RERG: variants seen among roughly 807,000 people sequenced by gnomAD.
RERG encodes the protein ras-related and estrogen-regulated growth inhibitor.
Under a neutral mutation model 23.2 loss-of-function variants are expected in RERG, and 25 were observed. The observed-to-expected ratio is 1.08, with a 90% CI of 0.79 to 1.50. The LOEUF is 1.50. RERG is among the 40% of genes most tolerant of loss of function. The pLI is 0.00. For synonymous variants in RERG, 81 were observed against 89.1 expected (o/e 0.91, Z 0.51); for missense variants, 253 against 250.1 (o/e 1.01, Z -0.08).
At chr12:15,157,312 A>G (rs1372958326) in intron 2 of RERG, among the ~76,000 whole-genome samples, 3 of 151,490 alleles carry the variant, frequency 2.0e-5, no homozygotes, top group Non-Finnish European at 2.9e-5. Context: ...CAGCTTTAAA[A>G]TGTTTTGTAA....
At chr12:15,216,829 C>A (rs1865446412) in intron 2 of RERG, among the ~76,000 whole-genome samples, 1 of 152,200 alleles carries the variant, frequency 6.6e-6, no homozygotes, top group Non-Finnish European at 1.5e-5. Context: ...AGATAGTGAA[C>A]AAAGTCTCTG....
chr12:15,111,240 C>A, intron 4 of RERG, 104 bp downstream of exon 4: 1 of 757,166 alleles, frequency 1.3e-6, no homozygotes, highest in Admixed American at 2.4e-5. Context: ...AGGTTTTAGG[C>A]ATGCAAAAGT....
intron 2 of RERG, among the ~76,000 whole-genome samples, chr12:15,186,992 A>G (rs1027212375): frequency 4.6e-5 from 7 of 152,176 alleles, no homozygotes; most frequent in Admixed American, 3.9e-4. Context: ...AAAAATTAAC[A>G]TGGGGATAAT....
chr12:15,177,715 A>G (rs751249250), intron 2 of RERG, among the ~76,000 whole-genome samples: 5 of 152,144 alleles, frequency 3.3e-5, no homozygotes, highest in Non-Finnish European at 5.9e-5. Context: ...TTTAGGCTCC[A>G]CCTAAAAATC....
intron 2 of RERG, among the ~76,000 whole-genome samples, chr12:15,129,363 C>T (rs1407628449): frequency 6.6e-6 from 1 of 151,566 alleles, no homozygotes; most frequent in African/African-American, 2.4e-5. Flanking sequence ...GATGTGTACA[C>T]AAAAACTAGA....
chr12:15,215,482 G>A (rs1865428107), intron 2 of RERG, among the ~76,000 whole-genome samples: 1 of 152,156 alleles, frequency 6.6e-6, no homozygotes, highest in Non-Finnish European at 1.5e-5. Context: ...ATAAGCAGCT[G>A]TGTGATGATA....
chr12:15,140,644 C>T (rs1489201926), intron 2 of RERG, among the ~76,000 whole-genome samples: 2 of 152,006 alleles, frequency 1.3e-5, no homozygotes, highest in Non-Finnish European at 2.9e-5. Context: ...ATCTTCATTT[C>T]TTCTTTACTT....
At chr12:15,186,652 C>T (rs552845798) in intron 2 of RERG, among the ~76,000 whole-genome samples, 1 of 152,054 alleles carries the variant, frequency 6.6e-6, no homozygotes, top group African/African-American at 2.4e-5. Flanking sequence ...AGGAATCAAA[C>T]AAAGAAAGAT....
intron 2 of RERG, among the ~76,000 whole-genome samples, chr12:15,138,922 A>G (rs1016639212): frequency 4.0e-5 from 6 of 150,920 alleles, no homozygotes; most frequent in African/African-American, 1.5e-4. Flanking sequence ...CTCCTATACT[A>G]TAATCTAGAA....
intron 2 of RERG, among the ~76,000 whole-genome samples, chr12:15,168,665 T>C (rs1864731184): frequency 6.6e-6 from 1 of 152,198 alleles, no homozygotes; most frequent in Non-Finnish European, 1.5e-5. Context: ...TTCTCAAATG[T>C]GTGCTGCTGG....
intron 2 of RERG, among the ~76,000 whole-genome samples, chr12:15,168,906 T>C (rs2136120218): frequency 6.6e-6 from 1 of 152,324 alleles, no homozygotes; most frequent in Admixed American, 6.5e-5. Context: ...GCAGAACCTT[T>C]TCTTCTGGAA....
chr12:15,215,890 C>T (rs968427201), intron 2 of RERG, among the ~76,000 whole-genome samples: 5 of 152,244 alleles, frequency 3.3e-5, no homozygotes, highest in African/African-American at 9.6e-5. Flanking sequence ...CGTACAGCTA[C>T]GTGGTTCTCT....
At chr12:15,157,002 G>T (rs1591651579) in intron 2 of RERG, among the ~76,000 whole-genome samples, 1 of 152,148 alleles carries the variant, frequency 6.6e-6, no homozygotes, top group Non-Finnish European at 1.5e-5. Context: ...TGCCCCTCTT[G>T]CAAAATGGGA....
At chr12:15,111,691 T>C (rs918369283) in intron 3 of RERG, among the ~76,000 whole-genome samples, 1 of 151,132 alleles carries the variant, frequency 6.6e-6, no homozygotes, top group South Asian at 2.1e-4. Flanking sequence ...CTTTCCTTTT[T>C]TTTTTTTTTT....
At chr12:15,208,888 C>T (rs1865329738) in intron 2 of RERG, among the ~76,000 whole-genome samples, 1 of 151,924 alleles carries the variant, frequency 6.6e-6, no homozygotes, top group Non-Finnish European at 1.5e-5. Flanking sequence ...AGGCGTAAGT[C>T]TAAGTTATTG....
intron 2 of RERG, among the ~76,000 whole-genome samples, chr12:15,131,704 C>T (rs1343201928): frequency 1.3e-5 from 2 of 152,058 alleles, no homozygotes; most frequent in Non-Finnish European, 2.9e-5. Context: ...TATACAGATC[C>T]TAGGATCTTA....
intron 3 of RERG, among the ~76,000 whole-genome samples, chr12:15,116,009 C>G (rs1381577753): frequency 1.3e-5 from 2 of 152,168 alleles, no homozygotes; most frequent in Non-Finnish European, 2.9e-5. Context: ...AATATGTAAT[C>G]TATACATGGT....
rs1317964807 is a variant in RERG, at chr12:15,203,484, A to G, written c.61+13945T>C. Among the ~76,000 whole-genome samples, 5 of 151,848 alleles carry G rather than the reference A, an allele frequency of 3.3e-5. No homozygotes were observed. The East Asian group carries it at 9.7e-4, about 29-fold the overall frequency. ...AACATTATACTCAATGTTGAAAATC[A>G]AAGCTATTTTTCTAAGATTAGGAAC... On this transcript the variant is annotated intron_variant, in intron 2 of 4. Transcript: ENST00000256953.
In RERG at chr12:15,154,805, A is replaced by C. The variant is rs565925550; in HGVS notation, c.62-33686T>G. On this transcript the variant is annotated intron_variant, in intron 2 of 4. Coordinates refer to ENST00000256953, the MANE Select transcript of RERG (RefSeq NM_032918.3). ...ACAGCAACTTAAAGACTATTATGTA[A>C]ACAGAATTTTCATACCTAGAATTTT... Among the ~76,000 whole-genome samples the C allele has an allele frequency of 3.3e-5, 5 of 152,004 alleles. No individual in the cohort carries two copies. The East Asian group carries it at 9.7e-4, about 29-fold the overall frequency.
Sources: allele counts gnomAD v4.1 joint callset (sites outside exome capture counted in the v4.1 genomes callset), GRCh38; gene constraint gnomAD v4.1.1; transcripts MANE v1.5; gene names NCBI Gene and HGNC (gene_info 2026-07-23, HGNC 2026-07-21).